PPP1R13B: variants seen among roughly 807,000 people sequenced by gnomAD.
PPP1R13B encodes apoptosis-stimulating of p53 protein 1.
A neutral mutation model predicts 119.8 loss-of-function variants in PPP1R13B; 44 were observed. The observed-to-expected ratio is 0.37, with a 90% CI of 0.29 to 0.47. PPP1R13B has a LOEUF of 0.47. Among genes scored for constraint, PPP1R13B ranks in the 20% least tolerant of loss-of-function variants. The pLI, the probability that PPP1R13B is intolerant of heterozygous loss-of-function variation, is 0.99. For missense variants in PPP1R13B, 1,227 were observed against 1,413.5 expected, an observed-to-expected ratio of 0.87 and a Z score of 2.12; for synonymous variants, 542 against 561.5, an observed-to-expected ratio of 0.97 and a Z score of 0.49.
chr14:103,735,937 G>T, intron 16 of PPP1R13B, 66 bp downstream of exon 16: 1 of 1,557,886 alleles, frequency 6.4e-7, no homozygotes, highest in Non-Finnish European at 8.8e-7. Context: ...CCCACAGCAG[G>T]ATAGGACCGC....
At chr14:103,767,297 G>C (rs926097474) in intron 4 of PPP1R13B, among the ~76,000 whole-genome samples, 1 of 152,072 alleles carries the variant, frequency 6.6e-6, no homozygotes. Flanking sequence ...CTAGGCAACA[G>C]AGCGAAACCC....
intron 1 of PPP1R13B, among the ~76,000 whole-genome samples, chr14:103,838,963 C>T (rs1184448161): frequency 6.6e-6 from 1 of 152,152 alleles, no homozygotes; most frequent in Admixed American, 6.6e-5. Flanking sequence ...GAACTACTTA[C>T]GATGCAATAA....
chr14:103,740,234 G>C lies in PPP1R13B; in HGVS notation c.2182C>G (p.Gln728Glu), dbSNP rs1288572972. The C allele has an allele frequency of 6.2e-7, 1 of 1,609,862 alleles. No homozygotes were observed. The highest frequency in any genetic ancestry group is 8.5e-7 in the Non-Finnish European group (1 of 1,177,418). Residue 728 changes from glutamine to glutamate, a missense_variant, in exon 12 of 17, where the codon CAG (glutamine) becomes GAG (glutamate). Physicochemically the swap from Gln to Glu is conservative, Grantham distance 29. Coordinates refer to ENST00000202556, the MANE Select transcript of PPP1R13B (RefSeq NM_015316.3). The surrounding 1 kb of genome is among the most constrained non-coding windows in gnomAD (Gnocchi z 4.6). ...CCACCGGCCAGGGTGTTGAAGCGCT[G>C]GTACAGCAGCTTCTGGATGTTGGGC... Reference protein sequence around the residue: ...GGPNIQKLLYQRFNTLAGGME... With the variant: ...GGPNIQKLLYERFNTLAGGME...
intron 1 of PPP1R13B, among the ~76,000 whole-genome samples, chr14:103,834,883 G>A (rs1001650550): frequency 8.6e-5 from 13 of 151,908 alleles, no homozygotes; most frequent in East Asian, 1.9e-4. Flanking sequence ...GTGAGCCACC[G>A]CACTGGCTAA....
chr14:103,847,405 C>T lies in PPP1R13B; in HGVS notation c.-98G>A. 1 of 1,041,550 alleles carries T rather than the reference C, an allele frequency of 9.6e-7. No homozygotes were observed. The highest frequency in any genetic ancestry group is 1.2e-6 in the Non-Finnish European group (1 of 867,314). The allele number at this position is 1,041,550 out of a possible 1,614,324, so 64.5% of individuals were successfully genotyped here. A position where few individuals can be genotyped will look rare whatever the true frequency, so the allele number is the denominator to read the frequency against. On this transcript the variant is annotated 5_prime_UTR_variant, in exon 1 of 17. Transcript: ENST00000202556. ...CGGCCGCCTCCTAAGGCCGCGCTCC[C>T]GCCGCCGTGCTCTCCGGCCCGGCCG...
chr14:103,766,256 C>T (rs928597036), intron 4 of PPP1R13B, among the ~76,000 whole-genome samples: 2 of 152,060 alleles, frequency 1.3e-5, no homozygotes, highest in Admixed American at 1.3e-4. Flanking sequence ...GATCCACCCA[C>T]CTCGGCTTCC....
At chr14:103,791,600 C>T (rs186847109) in intron 2 of PPP1R13B, among the ~76,000 whole-genome samples, 2 of 152,232 alleles carry the variant, frequency 1.3e-5, no homozygotes. Context: ...TGGCACACGC[C>T]TATAATCCCA....
rs902933332 is a variant in PPP1R13B, at chr14:103,734,124, T to G, written c.*1030A>C. 2 of 215,074 alleles carry G rather than the reference T, an allele frequency of 9.3e-6. No homozygotes were observed. The highest frequency in any genetic ancestry group is 4.4e-5 in the African/African-American group (2 of 44,966). 13.3% of individuals were successfully genotyped at this position (215,074 alleles called of 1,614,324 possible). A position where few individuals can be genotyped will look rare whatever the true frequency, so the allele number is the denominator to read the frequency against. ...TGAAGCGCCCTCCTTGCCTTGAGGC[T>G]GGGCCTGGGACAAAGGTGGCCTCAC... On this transcript the variant is annotated 3_prime_UTR_variant, in exon 17 of 17. Transcript: ENST00000202556.
At chr14:103,752,026 G>A (rs1046378540) in intron 7 of PPP1R13B, among the ~76,000 whole-genome samples, 13 of 152,152 alleles carry the variant, frequency 8.5e-5, no homozygotes, top group Non-Finnish European at 1.3e-4. Flanking sequence ...ACAAAGGACC[G>A]CATACAGGGT....
intron 1 of PPP1R13B, among the ~76,000 whole-genome samples, chr14:103,843,456 T>A (rs1202154874): frequency 6.6e-6 from 1 of 152,198 alleles, no homozygotes; most frequent in Non-Finnish European, 1.5e-5. Context: ...TTTACTAAAA[T>A]TCTTACTTCT....
intron 1 of PPP1R13B, among the ~76,000 whole-genome samples, chr14:103,800,903 T>C (rs148006877): frequency 0.013 from 1,966 of 152,146 alleles, 44 homozygotes; most frequent in African/African-American, 0.045. Context: ...CAGGTTGGAA[T>C]GCAATGGCAT....
chr14:103,771,169 A>G (rs1222324200), intron 4 of PPP1R13B, among the ~76,000 whole-genome samples: 14 of 152,168 alleles, frequency 9.2e-5, no homozygotes, highest in Non-Finnish European at 1.5e-5. Flanking sequence ...AGCTCTCATG[A>G]AAGCGTCATG....
chr14:103,745,549 C>T (rs142588008), intron 9 of PPP1R13B, among the ~76,000 whole-genome samples: 1 of 152,260 alleles, frequency 6.6e-6, no homozygotes, highest in Non-Finnish European at 1.5e-5. Flanking sequence ...GAACAGCTTG[C>T]CCTCTGCTTG....
intron 1 of PPP1R13B, among the ~76,000 whole-genome samples, chr14:103,833,407 G>A (rs1169888479): frequency 1.3e-5 from 2 of 152,122 alleles, no homozygotes; most frequent in African/African-American, 4.8e-5. Flanking sequence ...ACTTTGGGAG[G>A]CCGAGGCGAG....
Position 103,753,212 on chromosome 14 carries a change from C to T in PPP1R13B, c.632-16G>A. 2 of 1,576,376 alleles carry T rather than the reference C, an allele frequency of 1.3e-6. No homozygotes were observed. Among genetic ancestry groups the T allele is most frequent in the Non-Finnish European group, 1.7e-6 (2 of 1,166,040 alleles). On this transcript the variant is annotated splice_polypyrimidine_tract_variant and intron_variant, in intron 6 of 16. Transcript: ENST00000202556. ...ATTTCAGCAGCTATAATTGACCACA[C>T]AAGAAAAGAATAAAAGATTTAGTTG...
intron 2 of PPP1R13B, among the ~76,000 whole-genome samples, chr14:103,797,095 C>A (rs1272148843): frequency 7.1e-6 from 1 of 141,814 alleles, no homozygotes; most frequent in Non-Finnish European, 1.5e-5. Flanking sequence ...GAGATACTGT[C>A]TCAAAAAAAA....
At chr14:103,759,893 T>C (rs983083637) in intron 4 of PPP1R13B, among the ~76,000 whole-genome samples, 6 of 152,234 alleles carry the variant, frequency 3.9e-5, no homozygotes, top group African/African-American at 1.4e-4. Flanking sequence ...CTCTTTATGT[T>C]GCGTGTGTTT....
chr14:103,735,776 C>G (rs527579180), intron 16 of PPP1R13B, among the ~76,000 whole-genome samples: 1 of 152,348 alleles, frequency 6.6e-6, no homozygotes, highest in African/African-American at 2.4e-5. Context: ...CTGGGGCACT[C>G]AGCCTCCGCA....
At chr14:103,843,218 GA>G (rs35976079) in intron 1 of PPP1R13B, among the ~76,000 whole-genome samples, 26 of 151,680 alleles carry the variant, frequency 1.7e-4, no homozygotes, top group African/African-American at 6.3e-4. Flanking sequence ...CCAAAAATTT[GA>G]AAAAATTAGC....
Sources: gnomAD v4.1 joint callset for allele counts (sites outside exome capture counted in the v4.1 genomes callset) on GRCh38, gnomAD v4.1.1 for gene constraint, Gnocchi (gnomAD v3.1) non-coding constraint, MANE v1.5 for transcripts, NCBI Gene and HGNC (gene_info 2026-07-23, HGNC 2026-07-21) for gene names.